The following MACROD2 variants were observed in gnomAD, a reference collection of about 807,000 sequenced individuals.
MACROD2 encodes the protein mono-ADP ribosylhydrolase 2, also known as ADP-ribose glycohydrolase MACROD2.
In MACROD2, 36 loss-of-function variants were observed where a neutral mutation model predicts 70.4. That is an observed-to-expected ratio of 0.51 (90% confidence interval 0.39 to 0.68). The LOEUF (loss-of-function observed/expected upper bound fraction) is 0.68. MACROD2 is among the 30% of genes least tolerant of loss of function. The pLI, the probability that MACROD2 is intolerant of heterozygous loss-of-function variation, is 0.00. For synonymous variants in MACROD2, 172 were observed against 178.8 expected, an observed-to-expected ratio of 0.96 and a Z score of 0.30; for missense variants, 496 against 538.4, an observed-to-expected ratio of 0.92 and a Z score of 0.78.
intron 10 of MACROD2, among the ~76,000 whole-genome samples, chr20:15,917,847 G>A (rs1179453430): frequency 2.7e-5 from 4 of 149,892 alleles, no homozygotes; most frequent in African/African-American, 9.9e-5. Context: ...ACTAAAAGAG[G>A]GAAAAAAGGA....
chr20:15,344,633 G>A (rs2078145251), intron 6 of MACROD2, among the ~76,000 whole-genome samples: 1 of 152,096 alleles, frequency 6.6e-6, no homozygotes, highest in Non-Finnish European at 1.5e-5. Context: ...CAGACTCACA[G>A]AGGACTGATT....
At chr20:15,050,727 A>G (rs767217715) in intron 5 of MACROD2, among the ~76,000 whole-genome samples, 9 of 151,388 alleles carry the variant, frequency 5.9e-5, no homozygotes, top group Non-Finnish European at 1.3e-4. Flanking sequence ...CTTGCTCTAG[A>G]GAGTGTTTTT....
At chr20:16,044,718 C>T in intron 17 of MACROD2, 79 bp downstream of exon 17, 1 of 1,364,526 alleles carries the variant, frequency 7.3e-7, no homozygotes, top group Non-Finnish European at 1.0e-6. Context: ...CTGGATTTCC[C>T]TTGGTTTTGC....
intron 5 of MACROD2, among the ~76,000 whole-genome samples, chr20:15,121,951 G>A (rs1323267188): frequency 6.6e-6 from 1 of 152,116 alleles, no homozygotes; most frequent in African/African-American, 2.4e-5. Context: ...ATTTGTGGGT[G>A]GGGGTAGGGA....
At chr20:15,644,192 C>A (rs2049505816) in intron 8 of MACROD2, among the ~76,000 whole-genome samples, 1 of 152,242 alleles carries the variant, frequency 6.6e-6, no homozygotes, top group Admixed American at 6.5e-5. Context: ...GTGACTCTGG[C>A]AAAGTCACAC....
intron 8 of MACROD2, among the ~76,000 whole-genome samples, chr20:15,831,869 A>G (rs2064059886): frequency 6.6e-6 from 1 of 152,286 alleles, no homozygotes; most frequent in South Asian, 2.1e-4. Flanking sequence ...AATAAAATCC[A>G]TCTTCAGGTG....
chr20:14,159,756 T>A (rs1464021576), intron 3 of MACROD2, among the ~76,000 whole-genome samples: 1 of 152,168 alleles, frequency 6.6e-6, no homozygotes, highest in African/African-American at 2.4e-5. Flanking sequence ...ATTTCCAGTA[T>A]TGTGTTAAAT....
chr20:15,391,529 A>G (rs914527807), intron 6 of MACROD2, among the ~76,000 whole-genome samples: 15 of 152,224 alleles, frequency 9.9e-5, no homozygotes, highest in Admixed American at 3.3e-4. Context: ...CGTAAGTCTC[A>G]AGGAGTCCAT....
At chr20:14,910,967 C>T (rs1253416756) in intron 5 of MACROD2, among the ~76,000 whole-genome samples, 2 of 152,142 alleles carry the variant, frequency 1.3e-5, no homozygotes. Flanking sequence ...ATTAAAGTTT[C>T]ATGAAAAAAT....
At chr20:14,762,138 A>G (rs1487453650) in intron 5 of MACROD2, among the ~76,000 whole-genome samples, 1 of 151,770 alleles carries the variant, frequency 6.6e-6, no homozygotes, top group East Asian at 1.9e-4. Context: ...ACCCTTATTA[A>G]CTCTGCAAGG....
chr20:14,732,478 A>C (rs1297244501), intron 5 of MACROD2, among the ~76,000 whole-genome samples: 1 of 152,182 alleles, frequency 6.6e-6, no homozygotes, highest in Non-Finnish European at 1.5e-5. Flanking sequence ...GAAGGGGGAA[A>C]AAAATCAATA....
intron 8 of MACROD2, among the ~76,000 whole-genome samples, chr20:15,570,116 T>C (rs1036114199): frequency 2.6e-5 from 4 of 152,200 alleles, no homozygotes; most frequent in African/African-American, 9.6e-5. Context: ...ACAATTCCTA[T>C]TGTTTTCCGT....
chr20:15,012,984 C>T (rs1352349990), intron 5 of MACROD2, among the ~76,000 whole-genome samples: 1 of 152,114 alleles, frequency 6.6e-6, no homozygotes, highest in Non-Finnish European at 1.5e-5. Flanking sequence ...AGAACACAAA[C>T]CAGCGTTACA....
chr20:14,633,413 G>T (rs1984621034), intron 4 of MACROD2, among the ~76,000 whole-genome samples: 1 of 152,010 alleles, frequency 6.6e-6, no homozygotes, highest in South Asian at 2.1e-4. Flanking sequence ...TTCTTCAAAG[G>T]AAATTGAAGC....
At chr20:14,415,850 T>G (rs1367673834) in intron 3 of MACROD2, among the ~76,000 whole-genome samples, 1 of 152,232 alleles carries the variant, frequency 6.6e-6, no homozygotes, top group Non-Finnish European at 1.5e-5. Context: ...ATTAAAATAC[T>G]CAAAGTCCAG....
intron 10 of MACROD2, among the ~76,000 whole-genome samples, chr20:15,896,709 ATCAAACAACT>A (rs1324438248): frequency 2.6e-5 from 4 of 152,228 alleles, no homozygotes; most frequent in Non-Finnish European, 4.4e-5. Flanking sequence ...AAAATTAAAA[ATCAAACAACT>A]TCTAAATGTA....
intron 5 of MACROD2, among the ~76,000 whole-genome samples, chr20:14,835,600 G>A (rs1392867603): frequency 1.3e-5 from 2 of 152,060 alleles, no homozygotes; most frequent in African/African-American, 4.8e-5. Context: ...GGAGCACAGT[G>A]CCTATGGGAC....
chr20:15,152,161 G>A (rs558330457), intron 5 of MACROD2, among the ~76,000 whole-genome samples: 1 of 152,064 alleles, frequency 6.6e-6, no homozygotes, highest in Non-Finnish European at 1.5e-5. Context: ...CCGTTTTCCG[G>A]CTATTTGGAA....
Position 15,924,558 on chromosome 20 carries a change from C to G in MACROD2, c.776-8718C>G, listed in dbSNP as rs144769114. 4.4e-3 allele frequency among the ~76,000 whole-genome samples: 666 copies of G among 152,272 alleles called. 5 individuals carry two copies. The highest frequency in any genetic ancestry group is 0.015 in the African/African-American group (620 of 41,560). On this transcript the variant is annotated intron_variant, in intron 10 of 17. Transcript: ENST00000684519. ...TAGCCTCAGTTTCACTTTGTGCAGG[C>G]AGACACATCTCATGAAACCTTTCCA...
Sources: allele counts gnomAD v4.1 joint callset (sites outside exome capture counted in the v4.1 genomes callset), GRCh38; gene constraint gnomAD v4.1.1; transcripts MANE v1.5; gene names NCBI Gene and HGNC (gene_info 2026-07-23, HGNC 2026-07-21).